The following RHOU variants were observed in gnomAD, a reference collection of about 807,000 sequenced individuals.
RHOU encodes rho-related GTP-binding protein RhoU.
A neutral mutation model predicts 12.6 loss-of-function variants in RHOU; 8 were observed. That is an observed-to-expected ratio of 0.64 (90% CI 0.37 to 1.15). The LOEUF (loss-of-function observed/expected upper bound fraction) is 1.15. Among genes scored for constraint, RHOU ranks in the 50% most tolerant of loss-of-function variants. The pLI, the probability that RHOU is intolerant of heterozygous loss-of-function variation, is 0.01. For synonymous variants in RHOU, 161 were observed against 147.4 expected (o/e 1.09, Z -0.67); for missense variants, 258 against 347.0 (o/e 0.74, Z 2.04).
the RHOU span, among the ~76,000 whole-genome samples, chr1:228,692,691 T>C: frequency 6.6e-6 from 1 of 152,162 alleles, no homozygotes; most frequent in Non-Finnish European, 1.5e-5. Flanking sequence ...CACCTTGGCC[T>C]CCCAAAGTGT....
the RHOU span, among the ~76,000 whole-genome samples, chr1:228,686,732 C>T: frequency 5.3e-5 from 8 of 152,110 alleles, no homozygotes; most frequent in South Asian, 2.1e-4. Context: ...ATAATCCCAA[C>T]CAAAAAGCAA....
chr1:228,650,289 CA>C, the RHOU span: 1 of 464,952 alleles, frequency 2.2e-6, no homozygotes, highest in Non-Finnish European at 4.3e-6. Flanking sequence ...AGATGCTCCG[CA>C]AGGAGGCAGC....
chr1:228,666,113 A>G, the RHOU span, among the ~76,000 whole-genome samples: 1 of 151,762 alleles, frequency 6.6e-6, no homozygotes, highest in Non-Finnish European at 1.5e-5. Flanking sequence ...GTGCACCACC[A>G]TGCCTGGCTA....
chr1:228,701,216 T>G, the RHOU span, among the ~76,000 whole-genome samples: 1 of 152,242 alleles, frequency 6.6e-6, no homozygotes, highest in South Asian at 2.1e-4. Flanking sequence ...AATTTGATTT[T>G]GGGAAGGCCG....
At chr1:228,707,255 AGTGT>A in the RHOU span, among the ~76,000 whole-genome samples, 2,682 of 40,324 alleles carry the variant, frequency 0.067, 55 homozygotes, top group Middle Eastern at 0.085. Flanking sequence ...ATATATATAT[AGTGT>A]GTGTGTGTGT....
At chr1:228,663,284 C>A in the RHOU span, among the ~76,000 whole-genome samples, 1 of 152,152 alleles carries the variant, frequency 6.6e-6, no homozygotes, top group Admixed American at 6.5e-5. Flanking sequence ...AGACACATCA[C>A]AAACCACAGT....
the RHOU span, among the ~76,000 whole-genome samples, chr1:228,716,731 T>C: frequency 0.1 from 14,521 of 142,706 alleles, 770 homozygotes; most frequent in Middle Eastern, 0.23. Context: ...TGTGTGTATA[T>C]ATACATATAC....
chr1:228,710,588 A>AG, the RHOU span, among the ~76,000 whole-genome samples: 1 of 152,216 alleles, frequency 6.6e-6, no homozygotes, highest in South Asian at 2.1e-4. Context: ...GATGCAGAAA[A>AG]GGCCTTTGAC....
At chr1:228,718,472 T>C in the RHOU span, among the ~76,000 whole-genome samples, 3 of 152,176 alleles carry the variant, frequency 2.0e-5, no homozygotes, top group South Asian at 2.1e-4. Flanking sequence ...GACTCATGAA[T>C]TCCAGGAGGC....
chr1:228,719,355 C>T, the RHOU span, among the ~76,000 whole-genome samples: 4 of 152,268 alleles, frequency 2.6e-5, no homozygotes, highest in East Asian at 7.7e-4. Flanking sequence ...AAGTCATTAG[C>T]ACACTATTCT....
At chr1:228,652,154 A>G in the RHOU span, among the ~76,000 whole-genome samples, 2 of 152,226 alleles carry the variant, frequency 1.3e-5, no homozygotes, top group African/African-American at 4.8e-5. Flanking sequence ...ATCATAGACT[A>G]AAAAATCATA....
the RHOU span, among the ~76,000 whole-genome samples, chr1:228,691,907 T>A: frequency 6.6e-6 from 1 of 152,218 alleles, no homozygotes; most frequent in Non-Finnish European, 1.5e-5. Context: ...ATGGCAGAAG[T>A]ATTTAATCAT....
At chr1:228,729,724 A>G in the RHOU span, among the ~76,000 whole-genome samples, 1 of 152,358 alleles carries the variant, frequency 6.6e-6, no homozygotes, top group East Asian at 1.9e-4. Flanking sequence ...AGTACAGCCT[A>G]ATCTGACTAG....
intron 1 of RHOU, 107 bp downstream of exon 1, chr1:228,736,111 G>T: frequency 8.7e-7 from 1 of 1,146,540 alleles, no homozygotes; most frequent in Non-Finnish European, 1.2e-6. Context: ...GCAGGGCCCC[G>T]GGCGCGGCTC....
At chr1:228,674,635 C>T in the RHOU span, among the ~76,000 whole-genome samples, 3 of 151,966 alleles carry the variant, frequency 2.0e-5, no homozygotes, top group East Asian at 1.9e-4. Context: ...CATGAGCCAC[C>T]GCACCCCAGC....
chr1:228,729,344 A>G, the RHOU span, among the ~76,000 whole-genome samples: 4 of 152,240 alleles, frequency 2.6e-5, no homozygotes, highest in Admixed American at 2.6e-4. Context: ...ATCATGAATT[A>G]CCAAATTAAC....
At chr1:228,662,481 C>T in the RHOU span, among the ~76,000 whole-genome samples, 1 of 152,146 alleles carries the variant, frequency 6.6e-6, no homozygotes, top group Non-Finnish European at 1.5e-5. Flanking sequence ...CACATATACA[C>T]CATGGAATAC....
chr1:228,723,796 C>T, the RHOU span, among the ~76,000 whole-genome samples: 2 of 152,230 alleles, frequency 1.3e-5, no homozygotes, highest in South Asian at 2.1e-4. Context: ...ACCATCTTTA[C>T]GTTGACCTAC....
chr1:228,684,641 T>G, the RHOU span, among the ~76,000 whole-genome samples: 7 of 152,282 alleles, frequency 4.6e-5, no homozygotes, highest in South Asian at 1.5e-3. Context: ...ACTGTTAATA[T>G]TAGTCCTTTT....
Sources: allele counts gnomAD v4.1 joint callset (sites outside exome capture counted in the v4.1 genomes callset), GRCh38; gene constraint gnomAD v4.1.1; transcripts MANE v1.5; gene names NCBI Gene and HGNC (gene_info 2026-07-23, HGNC 2026-07-21).